The following ZNF385D variants were observed in gnomAD, a reference collection of about 807,000 sequenced individuals.
The protein encoded by ZNF385D is zinc finger protein 385D.
Under a neutral mutation model 35.8 loss-of-function variants are expected in ZNF385D, and 15 were observed. The observed-to-expected ratio is 0.42, with a 90% confidence interval of 0.28 to 0.64. The LOEUF (loss-of-function observed/expected upper bound fraction) is 0.64, where lower values mean the gene tolerates loss of function less well. Among genes scored for constraint, ZNF385D ranks in the 30% least tolerant of loss-of-function variants. The pLI, the probability that ZNF385D is intolerant of heterozygous loss-of-function variation, is 0.23. For missense variants in ZNF385D, 474 were observed against 494.6 expected (o/e 0.96, Z 0.39); for synonymous variants, 212 against 186.8 (o/e 1.13, Z -1.10).
chr3:22,017,430 T>C (rs1285876170), intron 3 of ZNF385D, among the ~76,000 whole-genome samples: 2 of 152,064 alleles, frequency 1.3e-5, no homozygotes, highest in African/African-American at 2.4e-5. Context: ...CTTTCAGCTG[T>C]ATCTCTTGTA....
intron 2 of ZNF385D, among the ~76,000 whole-genome samples, chr3:21,602,597 A>G (rs903676684): frequency 2.2e-5 from 3 of 136,336 alleles, no homozygotes; most frequent in Non-Finnish European, 4.5e-5. Flanking sequence ...CAGTGGCGCA[A>G]TCTCGGCTCA....
intron 3 of ZNF385D, among the ~76,000 whole-genome samples, chr3:22,119,819 A>C (rs1702995141): frequency 6.6e-6 from 1 of 151,944 alleles, no homozygotes; most frequent in Admixed American, 6.6e-5. Flanking sequence ...TTTATTCAGC[A>C]TCTACTGCAT....
At chr3:22,245,761 G>A (rs1254913245) in intron 2 of ZNF385D, among the ~76,000 whole-genome samples, 1 of 141,302 alleles carries the variant, frequency 7.1e-6, no homozygotes, top group African/African-American at 2.5e-5. Context: ...TGGTGGGGAG[G>A]GGGGGCTATG....
intron 2 of ZNF385D, among the ~76,000 whole-genome samples, chr3:22,242,409 G>GTTAAT (rs1173222419): frequency 3.3e-5 from 5 of 150,522 alleles, no homozygotes; most frequent in African/African-American, 1.2e-4. Flanking sequence ...AACGATCAAG[G>GTTAAT]TTAACATCAC....
At chr3:22,184,688 G>A (rs554189507) in intron 2 of ZNF385D, among the ~76,000 whole-genome samples, 13 of 152,246 alleles carry the variant, frequency 8.5e-5, no homozygotes, top group South Asian at 8.3e-4. Flanking sequence ...TTAGCCAGGC[G>A]TGGTGGCAGG....
At chr3:22,076,228 T>C (rs950113241) in intron 3 of ZNF385D, among the ~76,000 whole-genome samples, 3 of 151,888 alleles carry the variant, frequency 2.0e-5, no homozygotes, top group Non-Finnish European at 4.4e-5. Flanking sequence ...AGTTTCTCAC[T>C]TCATTCACAA....
chr3:22,063,195 T>C (rs904587452), intron 3 of ZNF385D, among the ~76,000 whole-genome samples: 4 of 152,352 alleles, frequency 2.6e-5, no homozygotes, highest in Admixed American at 2.0e-4. Flanking sequence ...TCAGTTTCTC[T>C]ATCTGAATAA....
At chr3:21,767,592 T>G (rs577962269) in intron 3 of ZNF385D, among the ~76,000 whole-genome samples, 2 of 151,854 alleles carry the variant, frequency 1.3e-5, no homozygotes, top group Non-Finnish European at 2.9e-5. Flanking sequence ...TGATTCACAG[T>G]AGGTGCCCAA....
chr3:21,771,636 A>C (rs2071082100), intron 3 of ZNF385D, among the ~76,000 whole-genome samples: 1 of 151,922 alleles, frequency 6.6e-6, no homozygotes, highest in African/African-American at 2.4e-5. Flanking sequence ...AATAAAATAG[A>C]GATAGCAAGA....
intron 2 of ZNF385D, among the ~76,000 whole-genome samples, chr3:22,357,581 A>G (rs1696212200): frequency 6.6e-6 from 1 of 151,812 alleles, no homozygotes; most frequent in South Asian, 2.1e-4. Flanking sequence ...CTAAACTATC[A>G]AAATCCTAAA....
intron 3 of ZNF385D, among the ~76,000 whole-genome samples, chr3:21,931,287 G>C (rs1290265007): frequency 6.6e-6 from 1 of 152,048 alleles, no homozygotes; most frequent in Non-Finnish European, 1.5e-5. Flanking sequence ...AAAAAGGAAA[G>C]ACAGTAACAA....
rs369763338 is a variant in ZNF385D, at chr3:21,899,167, G to T, written c.326-234139C>A. 5.3e-5 allele frequency among the ~76,000 whole-genome samples: 8 copies of T among 152,110 alleles called. No homozygotes were observed. In the East Asian group the frequency reaches 1.6e-3, roughly 29 times the overall value. On this transcript the variant is annotated intron_variant, in intron 3 of 5. Coordinates refer to the ZNF385D transcript ENST00000494108. The stretch of plus-strand genomic sequence containing the variant: ...TCCTACTAGCATATAGCATCTAGAT[G>T]CCAAGAATGTTACTGTACGTGCTAC...
At chr3:21,525,760 T>G (rs958767240) in intron 3 of ZNF385D, among the ~76,000 whole-genome samples, 1 of 152,078 alleles carries the variant, frequency 6.6e-6, no homozygotes, top group African/African-American at 2.4e-5. Flanking sequence ...CCATCTGATT[T>G]TCTATGAGAT....
At chr3:21,828,627 C>T (rs1227959797) in intron 3 of ZNF385D, among the ~76,000 whole-genome samples, 1 of 152,182 alleles carries the variant, frequency 6.6e-6, no homozygotes, top group African/African-American at 2.4e-5. Context: ...AGTATGGATT[C>T]AGCAGAGAAC....
chr3:21,725,739 T>G (rs1166672745), intron 1 of ZNF385D, among the ~76,000 whole-genome samples: 1 of 152,160 alleles, frequency 6.6e-6, no homozygotes, highest in Non-Finnish European at 1.5e-5. Flanking sequence ...GACAGCTGAA[T>G]TCTACCAGAG....
intron 2 of ZNF385D, among the ~76,000 whole-genome samples, chr3:22,269,456 A>C (rs956753441): frequency 2.0e-5 from 3 of 151,946 alleles, no homozygotes; most frequent in Admixed American, 1.3e-4. Flanking sequence ...GGATAAATGC[A>C]TATCTTTCCA....
chr3:21,852,684 T>C (rs910267308), intron 3 of ZNF385D, among the ~76,000 whole-genome samples: 3 of 151,872 alleles, frequency 2.0e-5, no homozygotes, highest in Admixed American at 1.3e-4. Context: ...ATGTCATTAC[T>C]AAAAAATTGA....
chr3:21,470,731 T>C (rs1280184854), intron 4 of ZNF385D, among the ~76,000 whole-genome samples: 1 of 152,102 alleles, frequency 6.6e-6, no homozygotes, highest in African/African-American at 2.4e-5. Context: ...ACGTGTCCTC[T>C]AGGTTTGACT....
chr3:21,572,681 A>C (rs1387142948), intron 2 of ZNF385D, among the ~76,000 whole-genome samples: 1 of 152,212 alleles, frequency 6.6e-6, no homozygotes, highest in Non-Finnish European at 1.5e-5. Flanking sequence ...ATTTTGTTAT[A>C]GGAATGTCAG....
Sources: allele counts gnomAD v4.1 joint callset (sites outside exome capture counted in the v4.1 genomes callset), GRCh38; gene constraint gnomAD v4.1.1; transcripts MANE v1.5; gene names NCBI Gene and HGNC (gene_info 2026-07-23, HGNC 2026-07-21).